The following UNC5D variants were observed in gnomAD, a reference collection of about 807,000 sequenced individuals.
UNC5D encodes the protein unc-5 netrin receptor D.
A neutral mutation model predicts 105.4 loss-of-function variants in UNC5D; 39 were observed. That is an observed-to-expected ratio of 0.37 (90% CI 0.29 to 0.48). UNC5D has a LOEUF of 0.48. Ranked by LOEUF, UNC5D falls within the 20% of genes least tolerant of loss-of-function variation. The probability of loss-of-function intolerance (pLI) is 0.98; values close to 1 mark genes in which losing one functional copy is unlikely to be tolerated. For synonymous variants in UNC5D, 452 were observed against 450.4 expected (o/e 1.00, Z -0.04); for missense variants, 991 against 1,202.4 (o/e 0.82, Z 2.60).
At chr8:35,258,978 A>G (rs966822924) in intron 1 of UNC5D, among the ~76,000 whole-genome samples, 1 of 152,332 alleles carries the variant, frequency 6.6e-6, no homozygotes, top group South Asian at 2.1e-4. Flanking sequence ...AAAGCCCGTT[A>G]TCTGGAGAAG....
chr8:35,705,487 C>T (rs1457991138), intron 7 of UNC5D, among the ~76,000 whole-genome samples: 1 of 152,188 alleles, frequency 6.6e-6, no homozygotes, highest in Non-Finnish European at 1.5e-5. Flanking sequence ...ACTTTTTATC[C>T]AGTCTGTGAT....
intron 2 of UNC5D, among the ~76,000 whole-genome samples, chr8:35,560,921 G>C (rs1421136321): frequency 1.3e-5 from 2 of 152,102 alleles, no homozygotes; most frequent in Admixed American, 1.3e-4. Context: ...CTGAATGAGG[G>C]GTTACAAAAC....
intron 1 of UNC5D, among the ~76,000 whole-genome samples, chr8:35,278,846 A>G (rs1052807421): frequency 3.3e-5 from 5 of 152,060 alleles, no homozygotes; most frequent in African/African-American, 1.2e-4. Flanking sequence ...TATTCATCTT[A>G]CAAAGCTTGG....
At chr8:35,601,019 G>A (rs1332254652) in intron 4 of UNC5D, among the ~76,000 whole-genome samples, 3 of 151,974 alleles carry the variant, frequency 2.0e-5, no homozygotes, top group African/African-American at 7.3e-5. Flanking sequence ...TCTACATATG[G>A]CTAGCCAGTT....
At chr8:35,283,069 T>C (rs974320500) in intron 1 of UNC5D, among the ~76,000 whole-genome samples, 5 of 152,196 alleles carry the variant, frequency 3.3e-5, no homozygotes, top group African/African-American at 1.2e-4. Context: ...TATTTGGTAA[T>C]TTAATGCTCT....
At chr8:35,247,276 AT>A (rs5890801) in intron 1 of UNC5D, among the ~76,000 whole-genome samples, 130,525 of 146,272 alleles carry the variant, frequency 0.89, 58,253 homozygotes, top group East Asian at 1. Flanking sequence ...AATTACAGAG[AT>A]TTTTTTTTTT....
chr8:35,545,083 A>C lies in UNC5D; in HGVS notation c.104-4209A>C, dbSNP rs567995561. Among the ~76,000 whole-genome samples, 49 of 152,328 alleles carry C rather than the reference A, an allele frequency of 3.2e-4. 1 individual carries two copies. The South Asian group carries it at 7.7e-3, about 24-fold the overall frequency. On this transcript the variant is annotated intron_variant, in intron 1 of 16. Transcript: ENST00000404895. ...GAGGCAGATGGCTGGATCAGTCACC[A>C]GCCATTTGTCCTACCAGAATTTAAA...
chr8:35,602,004 T>C (rs1176501116), intron 4 of UNC5D, among the ~76,000 whole-genome samples: 1 of 152,224 alleles, frequency 6.6e-6, no homozygotes, highest in Non-Finnish European at 1.5e-5. Context: ...GTTTTTAGCA[T>C]GAAGGGTTAT....
intron 14 of UNC5D, among the ~76,000 whole-genome samples, chr8:35,760,286 GC>G (rs1379997940): frequency 4.6e-5 from 7 of 151,900 alleles, no homozygotes; most frequent in African/African-American, 1.7e-4. Flanking sequence ...CAGGTGATCC[GC>G]CCACCTCAGC....
chr8:35,263,648 AG>A (rs1428317729), intron 1 of UNC5D, among the ~76,000 whole-genome samples: 1 of 152,250 alleles, frequency 6.6e-6, no homozygotes, highest in East Asian at 1.9e-4. Context: ...CTGAACAATA[AG>A]ACTTTAGTAT....
chr8:35,581,188 C>T (rs544374828), intron 3 of UNC5D, among the ~76,000 whole-genome samples: 5 of 152,234 alleles, frequency 3.3e-5, no homozygotes, highest in African/African-American at 1.2e-4. Flanking sequence ...GTCCAGATTC[C>T]TTCTCTTCCC....
In UNC5D at chr8:35,726,424, A is replaced by G. The variant is rs762695015; in HGVS notation, c.1576A>G (p.Lys526Glu). The G allele has an allele frequency of 1.1e-5, 17 of 1,614,170 alleles. No homozygotes were observed. The highest frequency in any genetic ancestry group is 1.4e-5 in the Non-Finnish European group (16 of 1,180,032). Residue 526 changes from lysine (K) to glutamate (E), a missense_variant, in exon 10 of 17, where the codon AAA (lysine) becomes GAA (glutamate). Lys to Glu is a moderately conservative substitution (Grantham distance 56, BLOSUM62 1). Around this residue, in one of 3 missense-constraint regions of UNC5D, gnomAD observed 944 missense variants for 1,131.6 expected, o/e 0.83. Coordinates refer to ENST00000404895, the MANE Select transcript of UNC5D (RefSeq NM_080872.4). ...HSFSTMHPRN[K>E]MPYIQNLSSL... ...CTTTAGTACAATGCATCCCAGAAAT[A>G]AAATGCCCTACATCCAAAATCTGTC...
At chr8:35,648,721 T>G (rs867215672) in intron 4 of UNC5D, among the ~76,000 whole-genome samples, 6 of 151,256 alleles carry the variant, frequency 4.0e-5, no homozygotes, top group Middle Eastern at 3.5e-3. Context: ...TCTCCAGCTC[T>G]TTCTAAAGAA....
At chr8:35,511,407 G>A (rs977005369) in intron 1 of UNC5D, among the ~76,000 whole-genome samples, 2 of 151,092 alleles carry the variant, frequency 1.3e-5, no homozygotes, top group Admixed American at 6.6e-5. Flanking sequence ...GCTCAGGTGG[G>A]AGGATCTCTT....
intron 1 of UNC5D, among the ~76,000 whole-genome samples, chr8:35,490,291 C>G (rs1283433182): frequency 6.6e-6 from 1 of 152,074 alleles, no homozygotes; most frequent in African/African-American, 2.4e-5. Flanking sequence ...TTGCTTGAGG[C>G]CAGGAATTCG....
intron 4 of UNC5D, among the ~76,000 whole-genome samples, chr8:35,678,757 C>G (rs1453460646): frequency 6.6e-6 from 1 of 152,070 alleles, no homozygotes; most frequent in Non-Finnish European, 1.5e-5. Flanking sequence ...TGTCATGTAG[C>G]TTTGGCATGC....
chr8:35,348,285 A>G (rs1369771412), intron 1 of UNC5D, among the ~76,000 whole-genome samples: 1 of 151,916 alleles, frequency 6.6e-6, no homozygotes, highest in Non-Finnish European at 1.5e-5. Context: ...AATATATGTC[A>G]TGGAATTAAC....
chr8:35,403,738 G>A (rs1381713315), intron 1 of UNC5D, among the ~76,000 whole-genome samples: 1 of 152,060 alleles, frequency 6.6e-6, no homozygotes, highest in Non-Finnish European at 1.5e-5. Context: ...CCATTCTTTC[G>A]CTCACAATAA....
At chr8:35,659,860 A>G (rs560003011) in intron 4 of UNC5D, among the ~76,000 whole-genome samples, 1 of 152,342 alleles carries the variant, frequency 6.6e-6, no homozygotes, top group South Asian at 2.1e-4. Flanking sequence ...TACCCAAGCT[A>G]TAAGGAACCC....
Sources: gnomAD v4.1 joint callset for allele counts (sites outside exome capture counted in the v4.1 genomes callset) on GRCh38, gnomAD v4.1.1 for gene constraint, gnomAD v4.1.1 regional missense constraint, MANE v1.5 for transcripts, NCBI Gene and HGNC (gene_info 2026-07-23, HGNC 2026-07-21) for gene names.